SECISBP2: variants seen among roughly 807,000 people sequenced by gnomAD.
The protein encoded by SECISBP2 is SECIS binding protein 2, also known as selenocysteine insertion sequence-binding protein 2.
SECISBP2 carries 96 observed loss-of-function variants against 98.2 expected under a neutral mutation model. The observed-to-expected ratio is 0.98, with a 90% CI of 0.83 to 1.16. SECISBP2 has a LOEUF of 1.16. Ranked by LOEUF, SECISBP2 falls within the 50% of genes most tolerant of loss-of-function variation. The pLI, the probability that SECISBP2 is intolerant of heterozygous loss-of-function variation, is 0.00. For synonymous variants in SECISBP2, 407 were observed against 370.2 expected (o/e 1.10, Z -1.14); for missense variants, 1,046 against 1,022.9 (o/e 1.02, Z -0.31).
intron 4 of SECISBP2, among the ~76,000 whole-genome samples, chr9:89,326,700 G>A (rs191079076): frequency 7.2e-5 from 11 of 152,280 alleles, no homozygotes; most frequent in Admixed American, 1.3e-4. Flanking sequence ...AGGTGATTTC[G>A]TCATTGTGGG....
chr9:89,358,172 A>T lies in SECISBP2; in HGVS notation c.2442A>T (p.Glu814Asp). Residue 814 changes from glutamate (E) to aspartate (D), a missense_variant, in exon 16 of 17, where the codon GAA becomes GAT. Transcript: ENST00000375807. ...AAGATGGCCCCCCAGCCCTGAAAGA[A>T]AAAGAAGAGCCACACTACAGTGAGT... Reference protein sequence around the residue: ...PAEDGPPALKEKEEPHYIEIW... With the variant: ...PAEDGPPALKDKEEPHYIEIW... The T allele has an allele frequency of 1.2e-6, 2 of 1,613,218 alleles. No individual in the cohort carries two copies. Among genetic ancestry groups the T allele is most frequent in the Non-Finnish European group, 1.7e-6 (2 of 1,179,712 alleles).
In SECISBP2 at chr9:89,334,739, C is replaced by A. The variant is rs775223545; in HGVS notation, c.1089+9C>A. The A allele has an allele frequency of 2.9e-5, 47 of 1,602,124 alleles. No homozygotes were observed. The highest frequency in any genetic ancestry group is 3.7e-5 in the Non-Finnish European group (43 of 1,171,572). On this transcript the variant is annotated intron_variant, in intron 7 of 16. Transcript: ENST00000375807. The stretch of plus-strand genomic sequence containing the variant: ...TTCATCCTACCCAAAAGGTACGTGT[C>A]ACTAGAGACAGAAAGTAGGATGGTG...
intron 2 of SECISBP2, among the ~76,000 whole-genome samples, chr9:89,321,544 G>T (rs569059193): frequency 6.6e-6 from 1 of 152,200 alleles, no homozygotes; most frequent in African/African-American, 2.4e-5. Context: ...GCAGGTGCCT[G>T]TAATCCCAGT....
the SECISBP2 span, among the ~76,000 whole-genome samples, chr9:89,365,912 T>C: frequency 6.6e-6 from 1 of 152,244 alleles, no homozygotes. Context: ...CTGTGGCATC[T>C]GCTCATCTTT....
chr9:89,329,104 G>A, intron 5 of SECISBP2: 1 of 568,608 alleles, frequency 1.8e-6, no homozygotes. Context: ...TTTTATTTGT[G>A]CGTTTTGTTT....
At position 89,355,151 on chromosome 9, in the gene SECISBP2, C is replaced by T. The variant is rs1290294585; in HGVS notation, c.2114-2260C>T. On this transcript the variant is annotated intron_variant, in intron 14 of 16. Coordinates refer to ENST00000375807, the MANE Select transcript of SECISBP2 (RefSeq NM_024077.5). Reference sequence around the variant, plus strand: ...TCCCAGTTTCCACAGTATGGTAGGACGTGCATTGGAGAAGTTCTTCTCTTG... The same window carrying T: ...TCCCAGTTTCCACAGTATGGTAGGATGTGCATTGGAGAAGTTCTTCTCTTG... 8 of 985,282 alleles carry T rather than the reference C, an allele frequency of 8.1e-6. No homozygotes were observed. The South Asian group carries it at 2.8e-4, about 35-fold the overall frequency. The allele number at this position is 985,282 out of a possible 1,614,324, so 61.0% of individuals were successfully genotyped here.
rs1402707460 is a variant in SECISBP2 at position 89,334,596 on chromosome 9, G to A, written c.955G>A (p.Val319Ile). ...STELSAAPKN[V>I]TSMINLKTIA... ...AGAACTGTCAGCAGCCCCTAAAAATGTTACTTCTATGATAAACTTAAAGAC... is the reference window on the plus strand; with the variant it reads ...AGAACTGTCAGCAGCCCCTAAAAATATTACTTCTATGATAAACTTAAAGAC... The change falls in exon 7 of 17, where the codon GTT (valine) becomes ATT (isoleucine). Residue 319 changes from valine to isoleucine, a missense_variant. By Grantham distance (29) the Val-to-Ile change is conservative (BLOSUM62 3). Coordinates refer to ENST00000375807, the MANE Select transcript of SECISBP2 (RefSeq NM_024077.5). 6.2e-7 allele frequency: 1 copy of A among 1,614,188 alleles called. No individual in the cohort carries two copies. Among genetic ancestry groups the A allele is most frequent in the South Asian group, 1.1e-5 (1 of 91,090 alleles).
At position 89,332,977 on chromosome 9, in the gene SECISBP2, T is replaced by C. The variant is rs749479707; in HGVS notation, c.871T>C (p.Cys291Arg). Reference sequence around the variant, plus strand: ...TAATGCCGCTACCAATTCTCCTTCATGTACAAGAGGTAAAAGTGGCTGCAA... The same window carrying C: ...TAATGCCGCTACCAATTCTCCTTCACGTACAAGAGGTAAAAGTGGCTGCAA... Reference protein sequence around the residue: ...TANAATNSPSCTRELSWTPMG... With the variant: ...TANAATNSPSRTRELSWTPMG... Residue 291 changes from cysteine to arginine, a missense_variant, in exon 6 of 17, where the codon TGT becomes CGT. By Grantham distance (180) the Cys-to-Arg change is radical. Transcript: ENST00000375807. 3 of 1,613,716 alleles carry C rather than the reference T, an allele frequency of 1.9e-6. No individual in the cohort carries two copies. The highest frequency in any genetic ancestry group is 2.2e-5 in the South Asian group (2 of 91,076).
chr9:89,333,478 C>T (rs903396294), intron 6 of SECISBP2, among the ~76,000 whole-genome samples: 1 of 152,198 alleles, frequency 6.6e-6, no homozygotes, highest in African/African-American at 2.4e-5. Flanking sequence ...AGAGAGCAGC[C>T]TTGCTTTCCA....
chr9:89,325,985 C>A lies in SECISBP2; in HGVS notation c.521C>A (p.Ser174Ter). 1.1e-5 allele frequency: 18 copies of A among 1,613,948 alleles called. No individual in the cohort carries two copies. Among genetic ancestry groups the A allele is most frequent in the Non-Finnish European group, 1.5e-5 (18 of 1,180,002 alleles). ...ADGTISSEIK[S>*]ARGSHHLSIY... ...GGAACTATATCATCTGAGATAAAAT[C>A]AGCTAGAGGTTCACATCATTTGTCC... Residue 174 changes from serine to a stop codon, truncating the protein, a stop_gained, in exon 4 of 17, where the codon TCA becomes TAA. Coordinates refer to ENST00000375807, the MANE Select transcript of SECISBP2 (RefSeq NM_024077.5). LOFTEE classifies it high-confidence loss of function.
At chr9:89,337,297 G>T (rs1828908325) in intron 7 of SECISBP2, among the ~76,000 whole-genome samples, 1 of 152,170 alleles carries the variant, frequency 6.6e-6, no homozygotes, top group African/African-American at 2.4e-5. Context: ...AAATAGCTTT[G>T]CATTTTACAT....
chr9:89,364,754 G>C, the SECISBP2 span: 3 of 152,726 alleles, frequency 2.0e-5, no homozygotes, highest in Non-Finnish European at 4.4e-5. Flanking sequence ...GCTGGCCTCA[G>C]CTTGTCTGAT....
chr9:89,343,062 G>A (rs985055540), intron 10 of SECISBP2, among the ~76,000 whole-genome samples: 3 of 152,196 alleles, frequency 2.0e-5, no homozygotes, highest in Non-Finnish European at 2.9e-5. Context: ...AGTGTCCTGA[G>A]TTTCTGAAGA....
Position 89,358,950 on chromosome 9 carries a change from C to A in SECISBP2, c.*126C>A. On this transcript the variant is annotated 3_prime_UTR_variant, in exon 17 of 17. Transcript: ENST00000375807. The stretch of plus-strand genomic sequence containing the variant: ...ACTGTTGAATCTGGAAATTGATCAG[C>A]ATTAAAGGGCACATGAAGCAGTGTC... The A allele has an allele frequency of 1.4e-6, 1 of 708,458 alleles. No homozygotes were observed. The highest frequency in any genetic ancestry group is 2.5e-6 in the Non-Finnish European group (1 of 396,130). The allele number at this position is 708,458 out of a possible 1,614,324, so 43.9% of individuals were successfully genotyped here. A position where few individuals can be genotyped will look rare whatever the true frequency, so the allele number is the denominator to read the frequency against.
intron 10 of SECISBP2, among the ~76,000 whole-genome samples, chr9:89,344,413 G>C (rs575238602): frequency 6.6e-6 from 1 of 152,294 alleles, no homozygotes; most frequent in African/African-American, 2.4e-5. Flanking sequence ...TATTGCCTGG[G>C]TTGTCTTTCA....
At chr9:89,353,087 G>A (rs148669133) in intron 14 of SECISBP2, among the ~76,000 whole-genome samples, 224 of 152,278 alleles carry the variant, frequency 1.5e-3, no homozygotes, top group Middle Eastern at 0.01. Context: ...TGTGAGCAGC[G>A]TTGAGGGTGG....
rs984743062 is a variant in SECISBP2 at position 89,355,252 on chromosome 9, T to C, written c.2114-2159T>C. The C allele has an allele frequency of 5.7e-5, 56 of 985,476 alleles. No individual in the cohort carries two copies. The African/African-American group carries it at 9.2e-4, about 16-fold the overall frequency. The allele number at this position is 985,476 out of a possible 1,614,324, so 61.0% of individuals were successfully genotyped here. Reference sequence around the variant, plus strand: ...GTAAACAGTTGTTGTTTTTTACAGTTGCTCCGTAAAGACTGGGTGAGTATC... The same window carrying C: ...GTAAACAGTTGTTGTTTTTTACAGTCGCTCCGTAAAGACTGGGTGAGTATC... On this transcript the variant is annotated intron_variant, in intron 14 of 16. Transcript: ENST00000375807.
At chr9:89,367,094 G>A in the SECISBP2 span, 5 of 152,564 alleles carry the variant, frequency 3.3e-5, no homozygotes, top group African/African-American at 1.2e-4. Flanking sequence ...ATCATCATAA[G>A]ACATTAAAGA....
At chr9:89,350,029 C>T (rs1487617102) in intron 13 of SECISBP2, 100 bp downstream of exon 13, 7 of 1,424,680 alleles carry the variant, frequency 4.9e-6, no homozygotes, top group South Asian at 2.4e-5. Flanking sequence ...CTGGGCCACA[C>T]TGTGCTTTAA....
Sources: gnomAD v4.1 joint callset for allele counts (sites outside exome capture counted in the v4.1 genomes callset) on GRCh38, gnomAD v4.1.1 for gene constraint, MANE v1.5 for transcripts, NCBI Gene and HGNC (gene_info 2026-07-23, HGNC 2026-07-21) for gene names.